The following TMEFF2 variants were observed in gnomAD, a reference collection of about 807,000 sequenced individuals.
The protein encoded by TMEFF2 is tomoregulin-2.
Under a neutral mutation model 53.8 loss-of-function variants are expected in TMEFF2, and 28 were observed. The ratio of observed to expected loss-of-function variants is 0.52; its 90% CI spans 0.39 to 0.71. The LOEUF is 0.71. Ranked by LOEUF, TMEFF2 falls within the 30% of genes least tolerant of loss-of-function variation. The probability of loss-of-function intolerance (pLI) is 0.00; values close to 1 mark genes in which losing one functional copy is unlikely to be tolerated. For missense variants in TMEFF2, 353 were observed against 455.2 expected, an observed-to-expected ratio of 0.78 and a Z score of 2.04; for synonymous variants, 162 against 166.3, an observed-to-expected ratio of 0.97 and a Z score of 0.20.
In TMEFF2 at chr2:192,002,012, G is replaced by GTATT. The variant is rs149043659; in HGVS notation, c.537-2808_537-2805dup. ...TATTTTACAAGATTCTCCAATTGGT[G>GTATT]TATTTATTTATTTATTTATTTATTA... On this transcript the variant is annotated intron_variant, in intron 5 of 9. Transcript: ENST00000272771. 7.0e-3 allele frequency among the ~76,000 whole-genome samples: 1,046 copies of GTATT among 149,924 alleles called. 21 individuals carry two copies. Among genetic ancestry groups the GTATT allele is most frequent in the East Asian group, 0.065 (333 of 5,122 alleles).
intron 5 of TMEFF2, among the ~76,000 whole-genome samples, chr2:191,999,654 CAAGT>C (rs1450080192): frequency 6.6e-6 from 1 of 151,886 alleles, no homozygotes; most frequent in Non-Finnish European, 1.5e-5. Context: ...AGAAAGCAAA[CAAGT>C]AAATTATTTG....
chr2:192,097,944 C>T lies in TMEFF2; in HGVS notation c.440-40169G>A, dbSNP rs753058879. Among the ~76,000 whole-genome samples, 17 of 152,116 alleles carry T rather than the reference C, an allele frequency of 1.1e-4. 1 individual carries two copies. Among genetic ancestry groups the T allele is most frequent in the East Asian group, 5.8e-4 (3 of 5,174 alleles). Reference sequence around the variant, plus strand: ...TCTCTGTTTTCAACAGCAGCTTGGACGGAAGGGAGAATGAAGAAAAGAAAG... The same window carrying T: ...TCTCTGTTTTCAACAGCAGCTTGGATGGAAGGGAGAATGAAGAAAAGAAAG... On this transcript the variant is annotated intron_variant, in intron 4 of 9. Coordinates refer to ENST00000272771, the MANE Select transcript of TMEFF2 (RefSeq NM_016192.4).
chr2:191,954,185 C>T (rs1691992042), intron 8 of TMEFF2, among the ~76,000 whole-genome samples: 1 of 152,116 alleles, frequency 6.6e-6, no homozygotes, highest in South Asian at 2.1e-4. Context: ...CCGCGCCCGG[C>T]CTGCATTCAT....
rs373422593 is a variant in TMEFF2, at chr2:192,143,206, C to G, written c.439+36462G>C. 6.6e-5 allele frequency among the ~76,000 whole-genome samples: 10 copies of G among 152,180 alleles called. No homozygotes were observed. The East Asian group carries it at 1.7e-3, about 27-fold the overall frequency. ...TTTTTTTTAACAACTATATTGTTCA[C>G]TTATTTGCCTGATCTATTTATCTAA... is the stretch of plus-strand genomic sequence containing the variant. On this transcript the variant is annotated intron_variant, in intron 4 of 9. Coordinates refer to ENST00000272771, the MANE Select transcript of TMEFF2 (RefSeq NM_016192.4).
At chr2:192,050,441 TTTTA>T (rs1687740029) in intron 5 of TMEFF2, among the ~76,000 whole-genome samples, 1 of 152,184 alleles carries the variant, frequency 6.6e-6, no homozygotes, top group South Asian at 2.1e-4. Context: ...TATTGTTTAT[TTTTA>T]TTTTTCAATT....
chr2:192,021,318 C>T (rs1239520664), intron 5 of TMEFF2, among the ~76,000 whole-genome samples: 12 of 151,944 alleles, frequency 7.9e-5, no homozygotes, highest in Non-Finnish European at 1.5e-5. Context: ...TTCCAGAGTA[C>T]TTTCTCCCTT....
chr2:192,110,904 G>A lies in TMEFF2; in HGVS notation c.440-53129C>T, dbSNP rs146136879. 6.7e-3 allele frequency among the ~76,000 whole-genome samples: 1,020 copies of A among 152,282 alleles called. 10 individuals are homozygous for A. The highest frequency in any genetic ancestry group is 0.051 in the Middle Eastern group (15 of 294). ...TCTCATGGTACTGAATAAGTCTCAT[G>A]AGATCTGATGGTTTTATAAGGGGAA... On this transcript the variant is annotated intron_variant, in intron 4 of 9. Transcript: ENST00000272771.
chr2:191,964,354 TTC>T (rs1553507932), intron 7 of TMEFF2, among the ~76,000 whole-genome samples: 6 of 104,632 alleles, frequency 5.7e-5, no homozygotes, highest in Non-Finnish European at 1.1e-4. Context: ...CTTTCTTTCT[TTC>T]TTTCTTTCTT....
At chr2:192,125,513 G>C (rs1689655546) in intron 4 of TMEFF2, among the ~76,000 whole-genome samples, 2 of 152,168 alleles carry the variant, frequency 1.3e-5, no homozygotes, top group Admixed American at 1.3e-4. Flanking sequence ...TTAAAGTGAA[G>C]CTAACTACTA....
chr2:192,101,803 G>A (rs1357983161), intron 4 of TMEFF2, among the ~76,000 whole-genome samples: 1 of 152,134 alleles, frequency 6.6e-6, no homozygotes, highest in East Asian at 1.9e-4. Flanking sequence ...GTACTCTCTT[G>A]TAACGAAATA....
intron 4 of TMEFF2, among the ~76,000 whole-genome samples, chr2:192,147,573 A>G (rs1224073758): frequency 6.6e-6 from 1 of 151,836 alleles, no homozygotes; most frequent in African/African-American, 2.4e-5. Context: ...GAGTGAGAAC[A>G]TGCAGTGTTT....
At position 192,033,322 on chromosome 2, in the gene TMEFF2, G is replaced by A. The variant is rs1410601138; in HGVS notation, c.536+24357C>T. Among the ~76,000 whole-genome samples the A allele has an allele frequency of 3.3e-5, 5 of 152,096 alleles. No homozygotes were observed. The South Asian group carries it at 8.3e-4, about 25-fold the overall frequency. On this transcript the variant is annotated intron_variant, in intron 5 of 9. Transcript: ENST00000272771. ...AACTGAGATTGATGATAGTTATTAC[G>A]TATATTCCTAATAACTTCATATAAT...
chr2:192,168,883 C>A (rs985654760), intron 4 of TMEFF2, among the ~76,000 whole-genome samples: 2 of 151,738 alleles, frequency 1.3e-5, no homozygotes, highest in African/African-American at 2.4e-5. Flanking sequence ...TGTTACATTG[C>A]CCAGGCTAGA....
chr2:191,970,350 A>G (rs1368862200), intron 7 of TMEFF2, among the ~76,000 whole-genome samples: 2 of 152,030 alleles, frequency 1.3e-5, no homozygotes, highest in African/African-American at 4.8e-5. Flanking sequence ...TCAGAATGTA[A>G]TCTTATTTGG....
At chr2:192,127,847 G>A (rs994272349) in intron 4 of TMEFF2, among the ~76,000 whole-genome samples, 4 of 152,088 alleles carry the variant, frequency 2.6e-5, no homozygotes, top group Non-Finnish European at 5.9e-5. Context: ...CGTAAGAAAT[G>A]TTCTATCTAC....
rs779892654 is a variant in TMEFF2 at position 191,950,504 on chromosome 2, T to G, written c.1029-97A>C. The stretch of plus-strand genomic sequence containing the variant: ...TAAAGATGTGGATTAAGCAAATTAT[T>G]AAAATATTTCAGATGAAAGAATTTA... On this transcript the variant is annotated intron_variant, in intron 9 of 9. Transcript: ENST00000272771. 7 of 1,482,008 alleles carry G rather than the reference T, an allele frequency of 4.7e-6. No homozygotes were observed. In the Middle Eastern group the frequency reaches 6.9e-4, roughly 146 times the overall value. The allele number at this position is 1,482,008 out of a possible 1,614,324, so 91.8% of individuals were successfully genotyped here.
Position 192,103,261 on chromosome 2 carries a change from G to A in TMEFF2, c.440-45486C>T, listed in dbSNP as rs976370850. 2.6e-5 allele frequency among the ~76,000 whole-genome samples: 4 copies of A among 152,172 alleles called. No individual in the cohort carries two copies. In the Middle Eastern group the frequency reaches 0.01, roughly 388 times the overall value. Reference sequence around the variant, plus strand: ...TCACTATCCCAAAGTGGGTACAATTGCTGTCGTATTTCCTTTCTCCACGCC... The same window carrying A: ...TCACTATCCCAAAGTGGGTACAATTACTGTCGTATTTCCTTTCTCCACGCC... On this transcript the variant is annotated intron_variant, in intron 4 of 9. Transcript: ENST00000272771.
intron 4 of TMEFF2, among the ~76,000 whole-genome samples, chr2:192,063,409 G>A (rs1688095142): frequency 6.6e-6 from 1 of 151,414 alleles, no homozygotes; most frequent in Non-Finnish European, 1.5e-5. Flanking sequence ...TATCATCATT[G>A]TATTATTTAA....
chr2:192,075,340 T>TATATATATAAATATA (rs1688408609), intron 4 of TMEFF2, among the ~76,000 whole-genome samples: 1 of 131,330 alleles, frequency 7.6e-6, no homozygotes. Flanking sequence ...TATACATACA[T>TATATATATAAATATA]ACTATGTATA....
Sources: allele counts gnomAD v4.1 joint callset (sites outside exome capture counted in the v4.1 genomes callset), GRCh38; gene constraint gnomAD v4.1.1; transcripts MANE v1.5; gene names NCBI Gene and HGNC (gene_info 2026-07-23, HGNC 2026-07-21).